TSC1: variants seen among roughly 807,000 people sequenced by gnomAD.
TSC1 encodes the protein hamartin.
In TSC1, 20 loss-of-function variants were observed where a neutral mutation model predicts 124.3. That is an observed-to-expected ratio of 0.16 (90% CI 0.11 to 0.23). The LOEUF is 0.23. Ranked by LOEUF, TSC1 falls within the 10% of genes least tolerant of loss-of-function variation. The pLI is 1.00. For synonymous variants in TSC1, 493 were observed against 539.1 expected (o/e 0.91, Z 1.19); for missense variants, 1,124 against 1,448.5 (o/e 0.78, Z 3.64).
At chr9:132,897,005 C>T (rs538228068) in intron 22 of TSC1, among the ~76,000 whole-genome samples, 179 bp downstream of exon 22, 71 of 152,304 alleles carry the variant, frequency 4.7e-4, no homozygotes, top group Non-Finnish European at 9.0e-4. Flanking sequence ...AACACGAACA[C>T]GAAGAGATCA....
chr9:132,910,180 A>T (rs910185575), intron 12 of TSC1: 3 of 404,182 alleles, frequency 7.4e-6, no homozygotes, highest in African/African-American at 2.0e-5. Context: ...ACATGCCTGT[A>T]GTCCCAGCTA....
At position 132,928,957 on chromosome 9, in the gene TSC1, G is replaced by A. The variant is rs1057523300; in HGVS notation, c.-80-5C>T. 1.8e-5 allele frequency: 29 copies of A among 1,588,088 alleles called. No homozygotes were observed. Among genetic ancestry groups the A allele is most frequent in the Admixed American group, 3.6e-5 (2 of 56,068 alleles). On this transcript the variant is annotated splice_polypyrimidine_tract_variant and splice_region_variant and intron_variant, in intron 2 of 22. Coordinates refer to ENST00000298552, the MANE Select transcript of TSC1 (RefSeq NM_000368.5). Reference sequence around the variant, plus strand: ...TTCATTGGGGCCACTACCAAACTGAGAAAAAGGAAGATGAACAGTCACTAA... The same window carrying A: ...TTCATTGGGGCCACTACCAAACTGAAAAAAAGGAAGATGAACAGTCACTAA...
At chr9:132,941,948 G>A (rs1020386746) in intron 1 of TSC1, 2 of 152,166 alleles carry the variant, frequency 1.3e-5, no homozygotes, top group African/African-American at 4.8e-5. Flanking sequence ...ACCCACTGAA[G>A]GTCAAAAGCT....
At chr9:132,904,290 G>A in intron 16 of TSC1, 121 bp downstream of exon 16, 2 of 1,107,050 alleles carry the variant, frequency 1.8e-6, no homozygotes, top group Non-Finnish European at 2.7e-6. Context: ...CAGATAGCCT[G>A]GCCGGAGCAA....
chr9:132,900,107 A>C (rs1845290046), intron 20 of TSC1: 2 of 157,852 alleles, frequency 1.3e-5, no homozygotes, highest in Admixed American at 1.2e-4. Flanking sequence ...CCCAAAAAGA[A>C]GGCCCATGTG....
chr9:132,911,913 G>A (rs1037847932), intron 9 of TSC1, among the ~76,000 whole-genome samples: 2 of 152,118 alleles, frequency 1.3e-5, no homozygotes, highest in East Asian at 1.9e-4. Context: ...AAATTGTTCC[G>A]ACTCATTCAA....
At position 132,906,075 on chromosome 9, in the gene TSC1, T is replaced by A. The variant is rs201810746; in HGVS notation, c.1503A>T (p.Gly501=). The A allele has an allele frequency of 6.2e-7, 1 of 1,613,898 alleles. No individual in the cohort carries two copies. Among genetic ancestry groups the A allele is most frequent in the Non-Finnish European group, 8.5e-7 (1 of 1,179,956 alleles). The change falls in exon 15 of 23, where the codon GGA becomes GGT. Residue 501 remains glycine, a synonymous_variant. Transcript: ENST00000298552. The surrounding 1 kb of genome is among the most constrained non-coding windows in gnomAD (Gnocchi z 4.1). The stretch of plus-strand genomic sequence containing the variant: ...CTCGGTAAAAGGGAGAGTCAAAGCC[T>A]CCTCGAGGAACCACAGGCTCTGCCT... The part of the protein sequence containing the change: ...TAEAEPVVPR[G]GFDSPFYRDS...
chr9:132,895,108 G>A lies in TSC1; in HGVS notation c.*1127C>T, dbSNP rs139119563. The A allele has an allele frequency of 1.3e-3, 299 of 233,222 alleles. No homozygotes were observed. Among genetic ancestry groups the A allele is most frequent in the African/African-American group, 5.8e-3 (265 of 45,424 alleles). The allele number at this position is 233,222 out of a possible 1,614,324, so 14.4% of individuals were successfully genotyped here. ...TGTGATGACATCAGCTCCCTGGAGAGTCAGCCCCTGAAAGTTGGAATTGGT... is the reference window on the plus strand; with the variant it reads ...TGTGATGACATCAGCTCCCTGGAGAATCAGCCCCTGAAAGTTGGAATTGGT... On this transcript the variant is annotated 3_prime_UTR_variant, in exon 23 of 23. Coordinates refer to ENST00000298552, the MANE Select transcript of TSC1 (RefSeq NM_000368.5).
rs866920023 is a variant in TSC1, at chr9:132,892,963, T to C, written c.*3272A>G. On this transcript the variant is annotated 3_prime_UTR_variant, in exon 23 of 23. Transcript: ENST00000298552. ...TGCAAATGGGGACGGCCCAAGAGTC[T>C]GGAGTTTTGTTCCCTGCTGCCCTGC... The C allele has an allele frequency of 2.1e-5, 5 of 233,192 alleles. No individual in the cohort carries two copies. The highest frequency in any genetic ancestry group is 4.2e-5 in the Non-Finnish European group (5 of 118,062). 14.4% of individuals were successfully genotyped at this position (233,192 alleles called of 1,614,324 possible). A position where few individuals can be genotyped will look rare whatever the true frequency, so the allele number is the denominator to read the frequency against.
In TSC1 at chr9:132,923,378, G is replaced by A. The variant is rs1554819886; in HGVS notation, c.478C>T (p.Arg160Cys). ...HLLDFFDIFG[R>C]LSSWCLKKPG... The stretch of plus-strand genomic sequence containing the variant: ...TTCTTCAGGCACCATGATGACAGAC[G>A]GCCAAAAATGTCAAAGAAATCAAGA... Residue 160 changes from arginine to cysteine, a missense_variant, in exon 6 of 23, where the codon CGT (arginine) becomes TGT (cysteine). By Grantham distance (180) the Arg-to-Cys change is radical. This residue lies in a region of TSC1 where 463 missense variants were observed against 606.8 expected (regional missense o/e 0.76). Transcript: ENST00000298552. The surrounding 1 kb of genome is among the most constrained non-coding windows in gnomAD (Gnocchi z 4.2). The A allele has an allele frequency of 2.5e-6, 4 of 1,614,090 alleles. No individual in the cohort carries two copies. Among genetic ancestry groups the A allele is most frequent in the Non-Finnish European group, 3.4e-6 (4 of 1,179,996 alleles).
In TSC1 at chr9:132,897,219, T is replaced by C. The variant is rs557674294; in HGVS notation, c.2940A>G (p.Glu980=). 5.0e-6 allele frequency: 8 copies of C among 1,614,200 alleles called. No individual in the cohort carries two copies. The African/African-American group carries it at 9.3e-5, about 19-fold the overall frequency. The change falls in exon 22 of 23, where the codon GAA becomes GAG. Residue 980 remains glutamate, a synonymous_variant. Transcript: ENST00000298552. ...EKDGLLKKLE[E]EKAEAAEAAE... ...CTGCTTCAGCTGCTTCTGCTTTTTCTTCTTCAAGTTTTTTCAGGAGGCCAT... is the reference window on the plus strand; with the variant it reads ...CTGCTTCAGCTGCTTCTGCTTTTTCCTCTTCAAGTTTTTTCAGGAGGCCAT...
In TSC1 at chr9:132,909,644, T is replaced by A. The variant is rs568892052; in HGVS notation, c.1263+927A>T. The A allele has an allele frequency of 2.0e-5, 3 of 152,296 alleles. No homozygotes were observed. In the South Asian group the frequency reaches 6.2e-4, roughly 32 times the overall value. The allele number at this position is 152,296 out of a possible 1,614,324, so 9.4% of individuals were successfully genotyped here. On this transcript the variant is annotated intron_variant, in intron 12 of 22. Coordinates refer to ENST00000298552, the MANE Select transcript of TSC1 (RefSeq NM_000368.5). Reference sequence around the variant, plus strand: ...CAGCTACTTCACCTCTCAATTCAAATAACTGCATGAGGGCCAGAGGTCACC... The same window carrying A: ...CAGCTACTTCACCTCTCAATTCAAAAAACTGCATGAGGGCCAGAGGTCACC...
Position 132,905,617 on chromosome 9 carries a change from T to A in TSC1, c.1961A>T (p.Gln654Leu), listed in dbSNP as rs1246161639. The A allele has an allele frequency of 6.2e-7, 1 of 1,614,252 alleles. No individual in the cohort carries two copies. The highest frequency in any genetic ancestry group is 1.1e-5 in the South Asian group (1 of 91,086). Residue 654 changes from glutamine (Q) to leucine (L), a missense_variant, in exon 15 of 23, where the codon CAG (glutamine) becomes CTG (leucine). Transcript: ENST00000298552. ...CTTGCTGTGCGCGTCTGCTCCCTGC[T>A]GTATCAGTCTGTCCAGCACTTCCAT... ...SPMEVLDRLIQQGADAHSKEL... is the reference protein window; with the variant it reads ...SPMEVLDRLILQGADAHSKEL...
intron 8 of TSC1, among the ~76,000 whole-genome samples, chr9:132,915,357 T>C: frequency 6.6e-6 from 1 of 152,056 alleles, no homozygotes; most frequent in Non-Finnish European, 1.5e-5. Context: ...CATAAAACGC[T>C]TATAATATAA....
chr9:132,911,658 A>C, intron 9 of TSC1, 90 bp from the exon 10 acceptor site: 21 of 685,364 alleles, frequency 3.1e-5, no homozygotes, highest in Middle Eastern at 8.3e-4. Flanking sequence ...AAAAAAAAAG[A>C]TGGTCCTCTA....
chr9:132,905,168 T>C (rs539433487), intron 15 of TSC1, among the ~76,000 whole-genome samples: 2 of 150,508 alleles, frequency 1.3e-5, no homozygotes, highest in South Asian at 4.2e-4. Context: ...TAATGAACTA[T>C]GATACCAAAA....
intron 12 of TSC1, 76 bp from the exon 13 acceptor site, chr9:132,907,446 T>C (rs1196698099): frequency 1.6e-6 from 2 of 1,215,436 alleles, no homozygotes; most frequent in Non-Finnish European, 2.4e-6. Context: ...TAAAGTAGTT[T>C]AAAGGTCAGC....
At chr9:132,926,939 G>C in intron 4 of TSC1, 2 of 429,562 alleles carry the variant, frequency 4.7e-6, no homozygotes, top group Admixed American at 6.9e-5. Flanking sequence ...GGCCTCCTAA[G>C]GGGATTACAG....
At chr9:132,944,726 C>T, upstream of TSC1, 1 of 398,290 alleles carries the variant, frequency 2.5e-6, no homozygotes, top group East Asian at 3.6e-5. Context: ...GACGGCCGCG[C>T]TCGGCAGCCC....
Sources: gnomAD v4.1 joint callset for allele counts (sites outside exome capture counted in the v4.1 genomes callset) on GRCh38, gnomAD v4.1.1 for gene constraint, gnomAD v4.1.1 regional missense constraint, Gnocchi (gnomAD v3.1) non-coding constraint, MANE v1.5 for transcripts, NCBI Gene and HGNC (gene_info 2026-07-23, HGNC 2026-07-21) for gene names.